The following GUCY2F variants were observed in gnomAD, a reference collection of about 807,000 sequenced individuals.
The protein encoded by GUCY2F is guanylate cyclase 2F, retinal, also known as retinal guanylyl cyclase 2.
A neutral mutation model predicts 73.1 loss-of-function variants in GUCY2F; 61 were observed. That is an observed-to-expected ratio of 0.83 (90% confidence interval 0.68 to 1.03). The LOEUF is 1.03. Ranked by LOEUF, GUCY2F falls within the 50% of genes least tolerant of loss-of-function variation. The pLI, the probability that GUCY2F is intolerant of heterozygous loss-of-function variation, is 0.00. For missense variants in GUCY2F, 912 were observed against 854.3 expected, an observed-to-expected ratio of 1.07 and a Z score of -0.84; for synonymous variants, 331 against 307.8, an observed-to-expected ratio of 1.08 and a Z score of -0.79.
chrX:109,423,205 T>C (rs919022956), intron 8 of GUCY2F, among the ~76,000 whole-genome samples: 2 of 112,268 alleles, frequency 1.8e-5, no homozygotes, highest in African/African-American at 6.5e-5. Flanking sequence ...TTGCAGATAA[T>C]ACATGGTTTC....
chrX:109,407,771 C>A lies in GUCY2F; in HGVS notation c.1968+1221G>T, dbSNP rs140378604. Reference sequence around the variant, plus strand: ...GGGCGGAAGCCCCAAGCCTTGGCAGCTTCCATGTGGTGTTGAGCCTGCAGG... The same window carrying A: ...GGGCGGAAGCCCCAAGCCTTGGCAGATTCCATGTGGTGTTGAGCCTGCAGG... On this transcript the variant is annotated intron_variant, in intron 9 of 19. Coordinates refer to ENST00000218006, the MANE Select transcript of GUCY2F (RefSeq NM_001522.3). 7.0e-3 allele frequency among the ~76,000 whole-genome samples: 798 copies of A among 113,547 alleles called. 5 individuals carry two copies. Among genetic ancestry groups the A allele is most frequent in the African/African-American group, 0.024 (762 of 31,361 alleles).
intron 8 of GUCY2F, among the ~76,000 whole-genome samples, chrX:109,410,394 T>C (rs746612780): frequency 8.9e-6 from 1 of 112,507 alleles, no homozygotes; most frequent in Non-Finnish European, 1.9e-5. Context: ...TGAATACTCA[T>C]CTACCTAGCA....
intron 17 of GUCY2F, among the ~76,000 whole-genome samples, chrX:109,381,371 C>T (rs1930303762): frequency 9.0e-6 from 1 of 111,296 alleles, no homozygotes; most frequent in South Asian, 3.8e-4. Context: ...ACTGTGTGAC[C>T]CTGCTCAAAC....
chrX:109,413,052 G>T (rs1931149507), intron 8 of GUCY2F, among the ~76,000 whole-genome samples: 1 of 112,310 alleles, frequency 8.9e-6, no homozygotes, highest in South Asian at 3.7e-4. Flanking sequence ...TTACATATTT[G>T]AAGGTCTATT....
intron 8 of GUCY2F, among the ~76,000 whole-genome samples, chrX:109,411,865 T>C (rs1016817356): frequency 1.8e-5 from 2 of 111,698 alleles, no homozygotes; most frequent in Non-Finnish European, 3.8e-5. Flanking sequence ...CATCAACATT[T>C]GAAGAGCGGG....
At chrX:109,373,369 A>T (rs2147246951) in intron 19 of GUCY2F, among the ~76,000 whole-genome samples, 1 of 111,804 alleles carries the variant, frequency 8.9e-6, no homozygotes. Context: ...TAGCCAGTCC[A>T]CAAAGGCTGA....
chrX:109,472,629 T>C (rs1303900775), intron 2 of GUCY2F, among the ~76,000 whole-genome samples: 1 of 112,395 alleles, frequency 8.9e-6, no homozygotes, highest in African/African-American at 3.2e-5. Context: ...GATGGTGTGT[T>C]GCAGTCTTCC....
intron 8 of GUCY2F, among the ~76,000 whole-genome samples, chrX:109,418,003 T>C (rs751616920): frequency 1.8e-5 from 2 of 110,882 alleles, no homozygotes; most frequent in Non-Finnish European, 3.8e-5. Context: ...AAGAATATTT[T>C]GCATATTTCT....
chrX:109,450,069 G>A (rs1932104680), intron 5 of GUCY2F, among the ~76,000 whole-genome samples: 1 of 111,180 alleles, frequency 9.0e-6, no homozygotes, highest in African/African-American at 3.3e-5. Flanking sequence ...CAAAGAGGGG[G>A]TATCTTTTGT....
chrX:109,411,592 T>A (rs2147261896), intron 8 of GUCY2F, among the ~76,000 whole-genome samples: 1 of 112,140 alleles, frequency 8.9e-6, no homozygotes, highest in Admixed American at 9.5e-5. Context: ...TTGGGGAATC[T>A]GACCTAAGAC....
chrX:109,462,162 T>C (rs1423731716), intron 3 of GUCY2F, among the ~76,000 whole-genome samples: 1 of 112,599 alleles, frequency 8.9e-6, no homozygotes, highest in East Asian at 2.8e-4. Flanking sequence ...ACAGTCACTT[T>C]TTACATGTTA....
chrX:109,441,793 A>G (rs1931876344), intron 6 of GUCY2F, among the ~76,000 whole-genome samples: 1 of 110,887 alleles, frequency 9.0e-6, no homozygotes, highest in Non-Finnish European at 1.9e-5. Flanking sequence ...TTATAGACAA[A>G]AAAGTAAGAC....
At chrX:109,401,212 TAGAGTTG>T (rs1397038824) in intron 10 of GUCY2F, among the ~76,000 whole-genome samples, 1 of 112,380 alleles carries the variant, frequency 8.9e-6, no homozygotes, top group East Asian at 2.8e-4. Context: ...TAACTACCAT[TAGAGTTG>T]AACTCTCGGG....
chrX:109,410,557 C>T (rs985049906), intron 8 of GUCY2F, among the ~76,000 whole-genome samples: 12 of 112,260 alleles, frequency 1.1e-4, no homozygotes, highest in African/African-American at 3.6e-4. Flanking sequence ...TTCACAACAT[C>T]CAAGACACTG....
At chrX:109,420,388 G>C (rs974562367) in intron 8 of GUCY2F, among the ~76,000 whole-genome samples, 1 of 105,148 alleles carries the variant, frequency 9.5e-6, no homozygotes, top group African/African-American at 3.5e-5. Flanking sequence ...CAAAGAGAAA[G>C]AAAGTAGGAG....
At chrX:109,467,173 G>T (rs1248689091) in intron 2 of GUCY2F, among the ~76,000 whole-genome samples, 1 of 112,318 alleles carries the variant, frequency 8.9e-6, no homozygotes, top group Non-Finnish European at 1.9e-5. Flanking sequence ...GAGTGCCAGA[G>T]ATGTTTGACA....
Position 109,453,554 on chromosome X carries a change from A to G in GUCY2F, c.1338T>C (p.Pro446=). ...TPIHFPGGRP[P]RADAKCWFAE... is the part of the protein sequence containing the mutation. ...CAAACCAGCATTTTGCATCTGCTCT[A>G]GGGGGCCTGCCACCAGGGAAGTGAA... Residue 446 remains proline, a synonymous_variant, in exon 4 of 20, where the codon CCT becomes CCC. Transcript: ENST00000218006. 1 of 1,209,616 alleles carries G rather than the reference A, an allele frequency of 8.3e-7. No individual in the cohort carries two copies. The highest frequency in any genetic ancestry group is 1.1e-6 in the Non-Finnish European group (1 of 893,833).
At chrX:109,461,868 G>A (rs1202511605) in intron 3 of GUCY2F, among the ~76,000 whole-genome samples, 1 of 112,383 alleles carries the variant, frequency 8.9e-6, no homozygotes, top group Non-Finnish European at 1.9e-5. Context: ...CACATCAGAG[G>A]TGCTCAATAA....
chrX:109,388,390 G>A (rs1374587635), intron 15 of GUCY2F, 99 bp downstream of exon 15: 10 of 657,018 alleles, frequency 1.5e-5, no homozygotes, highest in South Asian at 8.4e-5. Context: ...TGGATAATCC[G>A]GTGGCCAGGA....
Sources: gnomAD v4.1 joint callset for allele counts (sites outside exome capture counted in the v4.1 genomes callset) on GRCh38, gnomAD v4.1.1 for gene constraint, MANE v1.5 for transcripts, NCBI Gene and HGNC (gene_info 2026-07-23, HGNC 2026-07-21) for gene names.